Variants in BAIAP2L2 observed in about 807,000 individuals in gnomAD.
BAIAP2L2 encodes the protein BAR/IMD domain-containing adapter protein 2-like 2.
In BAIAP2L2, 65 loss-of-function variants were observed where a neutral mutation model predicts 60.4. The observed-to-expected ratio is 1.08, with a 90% CI of 0.88 to 1.32. BAIAP2L2 has a LOEUF of 1.32. Ranked by LOEUF, BAIAP2L2 falls within the 40% of genes most tolerant of loss-of-function variation. The pLI is 0.00. For missense variants in BAIAP2L2, 836 were observed against 741.2 expected, an observed-to-expected ratio of 1.13 and a Z score of -1.48; for synonymous variants, 344 against 301.7, an observed-to-expected ratio of 1.14 and a Z score of -1.45.
chr22:38,088,719 C>CGGGG, intron 10 of BAIAP2L2, 29 bp downstream of exon 10: 1 of 1,251,878 alleles, frequency 8.0e-7, no homozygotes. Context: ...TCTCAACCCA[C>CGGGG]CCCCGGCCCC....
At chr22:38,106,644 CAATT>C (rs986181636) in intron 4 of BAIAP2L2, among the ~76,000 whole-genome samples, 4 of 151,766 alleles carry the variant, frequency 2.6e-5, no homozygotes, top group African/African-American at 9.7e-5. Flanking sequence ...GGAGGGAGAA[CAATT>C]AGTTAAAATT....
At chr22:38,100,359 C>G (rs766820071) in intron 4 of BAIAP2L2, among the ~76,000 whole-genome samples, 1 of 151,818 alleles carries the variant, frequency 6.6e-6, no homozygotes, top group Non-Finnish European at 1.5e-5. Flanking sequence ...AACCCCGTCT[C>G]TACTAAAAAT....
At position 38,109,188 on chromosome 22, in the gene BAIAP2L2, G is replaced by T. The variant is rs774925274; in HGVS notation, c.72C>A (p.Asn24Lys). The T allele has an allele frequency of 6.2e-7, 1 of 1,612,702 alleles. No homozygotes were observed. The highest frequency in any genetic ancestry group is 8.5e-7 in the Non-Finnish European group (1 of 1,179,290). ...GGTACACCAGGTTCTCCAGGGCGGG[G>T]TTAAACTGCTCCATGATGCTCTGGA... ...AIYKSIMEQF[N>K]PALENLVYLG... Residue 24 changes from asparagine (N) to lysine (K), a missense_variant, in exon 2 of 14, where the codon AAC becomes AAA. Physicochemically the swap from Asn to Lys is moderately conservative, Grantham distance 94. Transcript: ENST00000381669.
intron 6 of BAIAP2L2, 92 bp downstream of exon 6, chr22:38,097,971 A>T: frequency 8.4e-7 from 1 of 1,194,282 alleles, no homozygotes; most frequent in Non-Finnish European, 1.2e-6. Flanking sequence ...GGGGGAGCTC[A>T]GGGAGGCGTT....
chr22:38,098,083 T>C lies in BAIAP2L2; in HGVS notation c.445A>G (p.Lys149Glu), dbSNP rs1602016668. Reference protein sequence around the residue: ...ELWRMERKRDKNVREMKESVN... With the variant: ...ELWRMERKRDENVREMKESVN... ...CGCACCTTCATCTCCCGCACGTTCT[T>C]GTCTCTCTTGCGCTCCATGCGCCAC... The change falls in exon 6 of 14, where the codon AAG (lysine) becomes GAG (glutamate). Residue 149 changes from lysine (K) to glutamate (E), a missense_variant. Lys to Glu is a moderately conservative substitution (Grantham distance 56). Transcript: ENST00000381669. 5.1e-6 allele frequency: 8 copies of C among 1,556,638 alleles called. No homozygotes were observed. Among genetic ancestry groups the C allele is most frequent in the Non-Finnish European group, 7.0e-6 (8 of 1,142,046 alleles).
At chr22:38,091,714 C>T (rs1346226829) in intron 7 of BAIAP2L2, among the ~76,000 whole-genome samples, 1 of 152,032 alleles carries the variant, frequency 6.6e-6, no homozygotes, top group African/African-American at 2.4e-5. Context: ...TTTTGTATAG[C>T]AAAACCAATC....
At chr22:38,097,618 A>C (rs1483331251) in intron 6 of BAIAP2L2, among the ~76,000 whole-genome samples, 3 of 152,146 alleles carry the variant, frequency 2.0e-5, no homozygotes, top group African/African-American at 4.8e-5. Context: ...ATGGGTTTGG[A>C]TCTTGGAGAC....
In BAIAP2L2 at chr22:38,086,433, C is replaced by CCACT. The variant is rs1321064637; in HGVS notation, c.1275_1276insAGTG (p.Gly426SerfsTer8). ...AGGAGGTCATCGAGGCTGTGGCTGC[C>CCACT]CCGGAGTGGGTAGGACCTAAGTCCA... On this transcript the variant is annotated frameshift_variant, in exon 12 of 14. Transcript: ENST00000381669. LOFTEE classifies it high-confidence loss of function. The CCACT allele has an allele frequency of 1.3e-6, 2 of 1,511,902 alleles. No homozygotes were observed. Among genetic ancestry groups the CCACT allele is most frequent in the East Asian group, 4.9e-5 (2 of 40,780 alleles). 93.7% of individuals were successfully genotyped at this position (1,511,902 alleles called of 1,614,324 possible).
chr22:38,100,145 T>C (rs1178494687), intron 4 of BAIAP2L2, among the ~76,000 whole-genome samples: 1 of 152,130 alleles, frequency 6.6e-6, no homozygotes, highest in East Asian at 1.9e-4. Context: ...CGTGCGTTGT[T>C]ATAGAAATGC....
At chr22:38,094,811 G>C (rs1662961316) in intron 7 of BAIAP2L2, among the ~76,000 whole-genome samples, 1 of 130,410 alleles carries the variant, frequency 7.7e-6, no homozygotes, top group Admixed American at 8.4e-5. Context: ...CAGATCCAGA[G>C]ACTCGGGGAG....
intron 1 of BAIAP2L2, among the ~76,000 whole-genome samples, chr22:38,109,459 G>A (rs980500277): frequency 1.1e-4 from 17 of 152,132 alleles, no homozygotes; most frequent in African/African-American, 1.4e-4. Context: ...TCCCGCTTAC[G>A]TCTGCTCTGG....
chr22:38,098,021 A>AC, intron 6 of BAIAP2L2, 42 bp downstream of exon 6: 15 of 588,188 alleles, frequency 2.6e-5, no homozygotes, highest in African/African-American at 4.1e-5. Context: ...AGGTCTGCCC[A>AC]CCCGCCCTTC....
intron 7 of BAIAP2L2, among the ~76,000 whole-genome samples, chr22:38,093,185 A>C (rs945598082): frequency 1.3e-5 from 2 of 150,870 alleles, no homozygotes; most frequent in African/African-American, 5.0e-5. Context: ...AAGAAAAAAG[A>C]AAGAGTGTGG....
At chr22:38,101,736 C>T (rs2086573727) in intron 4 of BAIAP2L2, among the ~76,000 whole-genome samples, 1 of 151,844 alleles carries the variant, frequency 6.6e-6, no homozygotes, top group Non-Finnish European at 1.5e-5. Context: ...CGCCTATAAT[C>T]CCAGCTATTT....
rs1410757079 is a variant in BAIAP2L2, at chr22:38,109,214, C to T, written c.52-6G>A. On this transcript the variant is annotated splice_region_variant and splice_polypyrimidine_tract_variant and intron_variant, in intron 1 of 13. Coordinates refer to ENST00000381669, the MANE Select transcript of BAIAP2L2 (RefSeq NM_025045.6). ...TTAAACTGCTCCATGATGCTCTGGA[C>T]CCCAGGGTCAGGGGAGGAAAAAGGT... 2.5e-6 allele frequency: 4 copies of T among 1,608,378 alleles called. No individual in the cohort carries two copies. The highest frequency in any genetic ancestry group is 3.4e-6 in the Non-Finnish European group (4 of 1,175,496).
chr22:38,110,126 A>AGAGAGG (rs2086800410), intron 1 of BAIAP2L2, among the ~76,000 whole-genome samples: 2 of 88,558 alleles, frequency 2.3e-5, no homozygotes, highest in African/African-American at 1.1e-4. Context: ...AGAGGGAGAG[A>AGAGAGG]GAGAGAGAGA....
At chr22:38,094,234 G>A (rs1003582413) in intron 7 of BAIAP2L2, among the ~76,000 whole-genome samples, 9 of 152,078 alleles carry the variant, frequency 5.9e-5, no homozygotes, top group South Asian at 2.1e-4. Context: ...TGTCCAGGCC[G>A]GAGTGCAGTG....
intron 12 of BAIAP2L2, 89 bp from the exon 13 acceptor site, chr22:38,085,821 C>T (rs1187535977): frequency 6.3e-5 from 81 of 1,286,222 alleles, no homozygotes; most frequent in Non-Finnish European, 8.5e-5. Context: ...TGCCCAAGGG[C>T]AGAGGACTGG....
intron 12 of BAIAP2L2, 36 bp downstream of exon 12, chr22:38,086,206 G>C (rs781504565): frequency 1.3e-6 from 2 of 1,591,030 alleles, no homozygotes; most frequent in South Asian, 1.1e-5. Flanking sequence ...CTCCCTGCCC[G>C]CTGGAGGCCC....
Sources: allele counts gnomAD v4.1 joint callset (sites outside exome capture counted in the v4.1 genomes callset), GRCh38; gene constraint gnomAD v4.1.1; transcripts MANE v1.5; gene names NCBI Gene and HGNC (gene_info 2026-07-23, HGNC 2026-07-21).